The following SPMIP11 variants were observed in gnomAD, a reference collection of about 807,000 sequenced individuals.
SPMIP11 encodes the protein long intergenic non-protein coding RNA 935.
the SPMIP11 span, among the ~76,000 whole-genome samples, chr12:48,762,047 CTTTTTTTTTTT>C: frequency 1.3e-5 from 1 of 78,184 alleles, no homozygotes; most frequent in Admixed American, 2.1e-4. Context: ...TTATAACATT[CTTTTTTTTTTT>C]TTTTTTTTTT....
At chr12:48,770,450 T>C in the SPMIP11 span, among the ~76,000 whole-genome samples, 1 of 152,230 alleles carries the variant, frequency 6.6e-6, no homozygotes, top group Admixed American at 6.5e-5. Flanking sequence ...TTCAAGTTTA[T>C]ATAAACCTGA....
the SPMIP11 span, among the ~76,000 whole-genome samples, chr12:48,736,469 T>C: frequency 6.6e-6 from 1 of 151,170 alleles, no homozygotes. Flanking sequence ...GTTGGTTCTA[T>C]ATGTACTGAT....
the SPMIP11 span, among the ~76,000 whole-genome samples, chr12:48,730,732 G>C: frequency 2.6e-5 from 4 of 152,092 alleles, no homozygotes; most frequent in Admixed American, 1.3e-4. Flanking sequence ...GAGGTCAGGA[G>C]TTCGAGACCA....
At chr12:48,736,443 C>T in the SPMIP11 span, among the ~76,000 whole-genome samples, 1 of 150,852 alleles carries the variant, frequency 6.6e-6, no homozygotes, top group Non-Finnish European at 1.5e-5. Context: ...AAAGAATTGC[C>T]ATCATGTTTT....
At chr12:48,759,236 T>A in the SPMIP11 span, 4 of 702,956 alleles carry the variant, frequency 5.7e-6, no homozygotes, top group East Asian at 1.1e-4. Context: ...CCTACTAGGC[T>A]TCCCCCCATT....
At chr12:48,757,081 C>T in the SPMIP11 span, among the ~76,000 whole-genome samples, 4 of 151,912 alleles carry the variant, frequency 2.6e-5, no homozygotes, top group African/African-American at 9.7e-5. Context: ...CAGCCAAGAG[C>T]TGGATTTTAC....
the SPMIP11 span, among the ~76,000 whole-genome samples, chr12:48,736,734 C>T: frequency 2.1e-3 from 316 of 149,252 alleles, 1 homozygote; most frequent in Middle Eastern, 0.021. Context: ...CCCTCCTGTT[C>T]CTGCAATATG....
the SPMIP11 span, among the ~76,000 whole-genome samples, chr12:48,753,918 G>A: frequency 1.3e-5 from 2 of 151,828 alleles, no homozygotes; most frequent in African/African-American, 4.8e-5. Flanking sequence ...GGCCAGGCTG[G>A]TCTGGAACTC....
At chr12:48,760,093 A>G in the SPMIP11 span, among the ~76,000 whole-genome samples, 1 of 152,174 alleles carries the variant, frequency 6.6e-6, no homozygotes, top group African/African-American at 2.4e-5. Context: ...CACCATGCCC[A>G]TCAATGAAAT....
At chr12:48,728,325 G>A in the SPMIP11 span, among the ~76,000 whole-genome samples, 4 of 152,154 alleles carry the variant, frequency 2.6e-5, no homozygotes, top group Admixed American at 2.6e-4. Context: ...GAATAAGAAC[G>A]GGGGAGTGGA....
the SPMIP11 span, among the ~76,000 whole-genome samples, chr12:48,749,785 G>A: frequency 3.4e-5 from 5 of 148,542 alleles, no homozygotes; most frequent in African/African-American, 1.2e-4. Context: ...TCTGCCTCCC[G>A]GGTTCATGCT....
the SPMIP11 span, among the ~76,000 whole-genome samples, chr12:48,752,899 C>T: frequency 1.6e-3 from 241 of 151,988 alleles, no homozygotes; most frequent in Non-Finnish European, 2.7e-3. Context: ...CTCGAACTAT[C>T]GACCTCAGGT....
the SPMIP11 span, among the ~76,000 whole-genome samples, chr12:48,746,250 C>T: frequency 1.3e-5 from 2 of 151,496 alleles, no homozygotes; most frequent in Non-Finnish European, 2.9e-5. Flanking sequence ...AGACCAACAT[C>T]TAAAAATCCA....
At chr12:48,762,062 T>C in the SPMIP11 span, among the ~76,000 whole-genome samples, 1 of 133,078 alleles carries the variant, frequency 7.5e-6, no homozygotes, top group African/African-American at 2.9e-5. Context: ...TTTTTTTTTT[T>C]TTTTTTTTTT....
chr12:48,738,717 C>T, the SPMIP11 span, among the ~76,000 whole-genome samples: 8 of 151,924 alleles, frequency 5.3e-5, no homozygotes, highest in Non-Finnish European at 8.8e-5. Flanking sequence ...TTCTTCAGAG[C>T]AAGTGATCAG....
chr12:48,768,168 A>C, the SPMIP11 span: 1 of 264,122 alleles, frequency 3.8e-6, no homozygotes, highest in Non-Finnish European at 7.4e-6. Context: ...TGTACAAAAT[A>C]TTGTACAAAA....
the SPMIP11 span, among the ~76,000 whole-genome samples, chr12:48,751,423 GGGCAA>G: frequency 6.6e-6 from 1 of 152,042 alleles, no homozygotes; most frequent in African/African-American, 2.4e-5. Flanking sequence ...AGACCAGCCT[GGGCAA>G]TACAGTGGGA....
the SPMIP11 span, chr12:48,768,688 G>T: frequency 9.3e-6 from 15 of 1,614,076 alleles, no homozygotes; most frequent in Non-Finnish European, 1.3e-5. Flanking sequence ...GCCCTTGGCA[G>T]CTAGAACCTG....
the SPMIP11 span, among the ~76,000 whole-genome samples, chr12:48,761,106 T>C: frequency 1.3e-5 from 2 of 152,108 alleles, no homozygotes; most frequent in Non-Finnish European, 2.9e-5. Context: ...AACATGTACA[T>C]TTTAAAAAGC....
Sources: allele counts gnomAD v4.1 joint callset (sites outside exome capture counted in the v4.1 genomes callset), GRCh38; gene constraint gnomAD v4.1.1; transcripts MANE v1.5; gene names NCBI Gene and HGNC (gene_info 2026-07-23, HGNC 2026-07-21).